ZAR1: variants seen among roughly 807,000 people sequenced by gnomAD.
The protein encoded by ZAR1 is zygote arrest protein 1.
A neutral mutation model predicts 38.3 loss-of-function variants in ZAR1; 37 were observed. That is an observed-to-expected ratio of 0.97 (90% CI 0.74 to 1.27). ZAR1 has a LOEUF of 1.27. Among genes scored for constraint, ZAR1 ranks in the 50% most tolerant of loss-of-function variants. The pLI is 0.00. For synonymous variants in ZAR1, 336 were observed against 292.0 expected (o/e 1.15, Z -1.53); for missense variants, 651 against 632.4 (o/e 1.03, Z -0.32).
Position 48,492,798 on chromosome 4 carries a change from C to T in ZAR1, c.996C>T (p.Cys332=). 1 of 1,614,182 alleles carries T rather than the reference C, an allele frequency of 6.2e-7. No homozygotes were observed. Among genetic ancestry groups the T allele is most frequent in the South Asian group, 1.1e-5 (1 of 91,086 alleles). The change falls in exon 2 of 4, where the codon TGC becomes TGT. Residue 332 remains cysteine (C), a synonymous_variant. Transcript: ENST00000327939. ...AGCAGAAATATGGCTATTACCACTG[C>T]AAGGACTGCAACATCCGCTGGGAGA... is the stretch of plus-strand genomic sequence containing the variant. ...FLEQKYGYYH[C]KDCNIRWESA... is the part of the protein sequence containing the mutation.
intron 1 of ZAR1, among the ~76,000 whole-genome samples, chr4:48,491,723 C>T (rs1446870198): frequency 6.6e-6 from 1 of 152,244 alleles, no homozygotes; most frequent in Non-Finnish European, 1.5e-5. Context: ...CTGATTTCTC[C>T]TTTACGAGCT....
At chr4:48,492,890 G>A in intron 2 of ZAR1, 32 bp downstream of exon 2, 1 of 1,614,010 alleles carries the variant, frequency 6.2e-7, no homozygotes, top group South Asian at 1.1e-5. Flanking sequence ...GCATCTTCTT[G>A]CTGAAAGTGT....
rs1718523583 is a variant in ZAR1 at position 48,494,238 on chromosome 4, C to A, written c.1269C>A (p.Ile423=). 12 of 1,614,098 alleles carry A rather than the reference C, an allele frequency of 7.4e-6. No homozygotes were observed. The highest frequency in any genetic ancestry group is 1.0e-5 in the Non-Finnish European group (12 of 1,180,020). The change falls in exon 4 of 4, where the codon ATC becomes ATA. Residue 423 remains isoleucine, a synonymous_variant. Coordinates refer to ENST00000327939, the MANE Select transcript of ZAR1 (RefSeq NM_175619.3). ...ACAGCACTTTCAGCTTCAAATACATCATTTAGGTGAAAGTCAGTGTTGCTG... is the reference window on the plus strand; with the variant it reads ...ACAGCACTTTCAGCTTCAAATACATAATTTAGGTGAAAGTCAGTGTTGCTG... ...SCDSTFSFKY[I]I
intron 3 of ZAR1, 55 bp from the exon 4 acceptor site, chr4:48,494,046 A>G: frequency 6.3e-7 from 1 of 1,580,280 alleles, no homozygotes; most frequent in Admixed American, 1.8e-5. Flanking sequence ...TTGAAGTCCT[A>G]GGAAATCACT....
Position 48,490,752 on chromosome 4 carries a change from A to T in ZAR1, c.461A>T (p.Gln154Leu), listed in dbSNP as rs74929644. 0.45 allele frequency: 636,798 copies of T among 1,417,978 alleles called. 147,250 individuals are homozygous for T. Among genetic ancestry groups the T allele is most frequent in the Admixed American group, 0.57 (19,877 of 35,048 alleles). The allele number at this position is 1,417,978 out of a possible 1,614,324, so 87.8% of individuals were successfully genotyped here. A position where few individuals can be genotyped will look rare whatever the true frequency, so the allele number is the denominator to read the frequency against. ...ACGGGTGGCGGCTCTTTCTCCCAGC[A>T]GCCATCCCGTCGAGGCCTGGAGCAG... ...GTTGGGSFSQ[Q>L]PSRRGLEQGS... The change falls in exon 1 of 4, where the codon CAG becomes CTG. Residue 154 changes from glutamine to leucine, a missense_variant. By Grantham distance (113) the Gln-to-Leu change is moderately radical. Coordinates refer to ENST00000327939, the MANE Select transcript of ZAR1 (RefSeq NM_175619.3).
rs1182369925 is a variant in ZAR1 at position 48,490,927 on chromosome 4, G to C, written c.636G>C (p.Glu212Asp). ...AGAGGTCCGGGGCGTCGGACGGAGAGAGGGGGCCGCCGCCCGCGCGGCTTC... is the reference window on the plus strand; with the variant it reads ...AGAGGTCCGGGGCGTCGGACGGAGACAGGGGGCCGCCGCCCGCGCGGCTTC... ...GEQRSGASDG[E>D]RGPPPARLQG... The change falls in exon 1 of 4, where the codon GAG becomes GAC. Residue 212 changes from glutamate (E) to aspartate (D), a missense_variant. By Grantham distance (45) the Glu-to-Asp change is conservative. Transcript: ENST00000327939. 95 of 1,345,954 alleles carry C rather than the reference G, an allele frequency of 7.1e-5. 1 individual carries two copies. Among genetic ancestry groups the C allele is most frequent in the Non-Finnish European group, 8.4e-5 (88 of 1,053,812 alleles). The allele number at this position is 1,345,954 out of a possible 1,614,324, so 83.4% of individuals were successfully genotyped here. A position where few individuals can be genotyped will look rare whatever the true frequency, so the allele number is the denominator to read the frequency against.
intron 3 of ZAR1, 145 bp from the exon 4 acceptor site, chr4:48,493,956 G>T: frequency 1.1e-6 from 1 of 938,626 alleles, no homozygotes; most frequent in Non-Finnish European, 1.6e-6. Context: ...ACGTAGGTAG[G>T]GATGTAGAGG....
intron 3 of ZAR1, 48 bp downstream of exon 3, chr4:48,493,060 G>GT: frequency 6.3e-7 from 1 of 1,577,092 alleles, no homozygotes; most frequent in Non-Finnish European, 8.7e-7. Context: ...GTCGTCGAGG[G>GT]TTTTTAGTAT....
In ZAR1 at chr4:48,494,336, C is replaced by A; in HGVS notation, c.*92C>A. On this transcript the variant is annotated 3_prime_UTR_variant, in exon 4 of 4. Coordinates refer to ENST00000327939, the MANE Select transcript of ZAR1 (RefSeq NM_175619.3). ...CCACCTCTCCCTTCTCAAAATACTTCATGAAAGGCAGTGTATTCTGAAAAA... is the reference window on the plus strand; with the variant it reads ...CCACCTCTCCCTTCTCAAAATACTTAATGAAAGGCAGTGTATTCTGAAAAA... 6.7e-7 allele frequency: 1 copy of A among 1,500,002 alleles called. No individual in the cohort carries two copies. Among genetic ancestry groups the A allele is most frequent in the South Asian group, 1.2e-5 (1 of 86,344 alleles). The allele number at this position is 1,500,002 out of a possible 1,614,324, so 92.9% of individuals were successfully genotyped here.
At chr4:48,491,287 C>T in intron 1 of ZAR1, 33 bp downstream of exon 1, 2 of 1,225,362 alleles carry the variant, frequency 1.6e-6, no homozygotes, top group Non-Finnish European at 2.0e-6. Flanking sequence ...CACAGGGGAG[C>T]CCGGGGGTGC....
chr4:48,494,503 G>A, downstream of ZAR1: 1 of 443,476 alleles, frequency 2.3e-6, no homozygotes, highest in Non-Finnish European at 4.0e-6. Context: ...ATGGCATAGA[G>A]TGGGCCAGGC....
chr4:48,494,184 T>C lies in ZAR1; in HGVS notation c.1215T>C (p.Gly405=), dbSNP rs777086251. ...GGCCCCACCGTCAAGATTTGTGCGG[T>C]AGATGCAAAGGCAAACGCCTGTCCT... ...PKRPHRQDLC[G]RCKGKRLSCD... The change falls in exon 4 of 4, where the codon GGT becomes GGC. Residue 405 remains glycine (G), a synonymous_variant. Coordinates refer to ENST00000327939, the MANE Select transcript of ZAR1 (RefSeq NM_175619.3). The C allele has an allele frequency of 6.2e-6, 10 of 1,614,102 alleles. No homozygotes were observed. Among genetic ancestry groups the C allele is most frequent in the African/African-American group, 4.0e-5 (3 of 74,924 alleles).
rs923261889 is a variant in ZAR1, at chr4:48,491,194, C to T, written c.903C>T (p.Val301=). The change falls in exon 1 of 4, where the codon GTC becomes GTT. Residue 301 remains valine, a synonymous_variant. Transcript: ENST00000327939. ...GCGGCGACGGACGGGAGGCGGCCGT[C>T]GCGGGAGAGGGGCCGTCGCCACGGA... ...RDGGDGREAA[V]AGEGPSPRSP... 4.7e-5 allele frequency: 58 copies of T among 1,234,108 alleles called. No homozygotes were observed. Among genetic ancestry groups the T allele is most frequent in the Non-Finnish European group, 5.6e-5 (55 of 989,518 alleles). The allele number at this position is 1,234,108 out of a possible 1,614,324, so 76.4% of individuals were successfully genotyped here. A position where few individuals can be genotyped will look rare whatever the true frequency, so the allele number is the denominator to read the frequency against.
intron 1 of ZAR1, among the ~76,000 whole-genome samples, 200 bp downstream of exon 1, chr4:48,491,454 TACTC>T (rs1718441000): frequency 1.3e-5 from 2 of 152,316 alleles, no homozygotes; most frequent in Middle Eastern, 3.4e-3. Context: ...CATCCAGACT[TACTC>T]GTGGCGGCTG....
At chr4:48,496,131 G>C (rs1718594446), downstream of ZAR1, among the ~76,000 whole-genome samples, 1 of 152,136 alleles carries the variant, frequency 6.6e-6, no homozygotes, top group African/African-American at 2.4e-5. Context: ...GGATAGTGGG[G>C]CATGGTGGCA....
rs1013778817 is a variant in ZAR1 at position 48,491,145 on chromosome 4, C to T, written c.854C>T (p.Pro285Leu). 9.7e-6 allele frequency: 12 copies of T among 1,241,190 alleles called. No homozygotes were observed. The highest frequency in any genetic ancestry group is 7.8e-5 in the African/African-American group (5 of 64,452). The allele number at this position is 1,241,190 out of a possible 1,614,324, so 76.9% of individuals were successfully genotyped here. A position where few individuals can be genotyped will look rare whatever the true frequency, so the allele number is the denominator to read the frequency against. ...RSALRSPGQP[P>L]SAGRARDGGD... Reference sequence around the variant, plus strand: ...GCGCTAAGGAGCCCGGGGCAACCTCCGTCGGCGGGGAGGGCCCGAGACGGC... The same window carrying T: ...GCGCTAAGGAGCCCGGGGCAACCTCTGTCGGCGGGGAGGGCCCGAGACGGC... Residue 285 changes from proline to leucine, a missense_variant, in exon 1 of 4, where the codon CCG (proline) becomes CTG (leucine). Coordinates refer to ENST00000327939, the MANE Select transcript of ZAR1 (RefSeq NM_175619.3).
chr4:48,490,972 G>A lies in ZAR1; in HGVS notation c.681G>A (p.Glu227=), dbSNP rs2148673747. The change falls in exon 1 of 4, where the codon GAG becomes GAA. Residue 227 remains glutamate (E), a synonymous_variant. Transcript: ENST00000327939. Reference sequence around the variant, plus strand: ...GGCTTCAAGGCCCAGAGGAGGGGGAGGTGTGGACGAAGAAGGCGCCCCGGC... The same window carrying A: ...GGCTTCAAGGCCCAGAGGAGGGGGAAGTGTGGACGAAGAAGGCGCCCCGGC... ...PARLQGPEEG[E]VWTKKAPRRP... 3 of 1,354,464 alleles carry A rather than the reference G, an allele frequency of 2.2e-6. No homozygotes were observed. Among genetic ancestry groups the A allele is most frequent in the East Asian group, 6.2e-5 (2 of 32,214 alleles). 83.9% of individuals were successfully genotyped at this position (1,354,464 alleles called of 1,614,324 possible).
chr4:48,496,221 C>T (rs1370262252), downstream of ZAR1, among the ~76,000 whole-genome samples: 1 of 152,098 alleles, frequency 6.6e-6, no homozygotes, highest in Non-Finnish European at 1.5e-5. Context: ...AAAGTGGTGG[C>T]AAGGCTAGAG....
At chr4:48,495,869 A>C (rs1718582109), downstream of ZAR1, among the ~76,000 whole-genome samples, 1 of 152,218 alleles carries the variant, frequency 6.6e-6, no homozygotes, top group Non-Finnish European at 1.5e-5. Context: ...GGGAGGCCAC[A>C]GTGTGAGAAT....
Sources: gnomAD v4.1 joint callset for allele counts (sites outside exome capture counted in the v4.1 genomes callset) on GRCh38, gnomAD v4.1.1 for gene constraint, MANE v1.5 for transcripts, NCBI Gene and HGNC (gene_info 2026-07-23, HGNC 2026-07-21) for gene names.